The following SLC38A12 variants were observed in gnomAD, a reference collection of about 807,000 sequenced individuals.
SLC38A12 encodes the protein solute carrier family 38 member 12, also known as putative sodium-coupled neutral amino acid transporter 12.
At chr17:74,788,569 C>A in the SLC38A12 span, among the ~76,000 whole-genome samples, 1 of 152,120 alleles carries the variant, frequency 6.6e-6, no homozygotes, top group African/African-American at 2.4e-5. Context: ...TTAGTTCACA[C>A]CTCTCTCTCT....
At chr17:74,818,437 A>G in the SLC38A12 span, among the ~76,000 whole-genome samples, 78,241 of 151,870 alleles carry the variant, frequency 0.52, 20,983 homozygotes, top group African/African-American at 0.66. Context: ...AGTCCTCCGC[A>G]TCACTCATCC....
the SLC38A12 span, among the ~76,000 whole-genome samples, chr17:74,830,480 A>C: frequency 1.3e-5 from 2 of 152,148 alleles, no homozygotes; most frequent in African/African-American, 4.8e-5. Context: ...TGTCTGGGGA[A>C]AGGCTGCTTC....
chr17:74,790,165 C>T, the SLC38A12 span: 73 of 1,550,504 alleles, frequency 4.7e-5, no homozygotes, highest in Non-Finnish European at 6.3e-5. Context: ...CCCTTGTTTT[C>T]CTCCCTCCTC....
At chr17:74,785,626 C>G in the SLC38A12 span, 14 of 1,609,818 alleles carry the variant, frequency 8.7e-6, no homozygotes, top group African/African-American at 1.3e-5. Context: ...GGGGACTTCC[C>G]CACAGGGGCC....
chr17:74,781,167 C>T, the SLC38A12 span, among the ~76,000 whole-genome samples: 1 of 152,184 alleles, frequency 6.6e-6, no homozygotes, highest in Non-Finnish European at 1.5e-5. Flanking sequence ...TCCATAGTGC[C>T]CAAGCTGAGA....
At chr17:74,831,286 T>A in the SLC38A12 span, among the ~76,000 whole-genome samples, 1 of 152,140 alleles carries the variant, frequency 6.6e-6, no homozygotes, top group Admixed American at 6.5e-5. Flanking sequence ...GACTCTGGGC[T>A]CCAGAAGGAC....
the SLC38A12 span, among the ~76,000 whole-genome samples, chr17:74,832,395 C>A: frequency 6.6e-6 from 1 of 152,226 alleles, no homozygotes; most frequent in African/African-American, 2.4e-5. Context: ...ACTGGAGGGC[C>A]CTGCCCCCTC....
chr17:74,789,956 T>G, the SLC38A12 span, among the ~76,000 whole-genome samples: 1 of 147,662 alleles, frequency 6.8e-6, no homozygotes, highest in African/African-American at 2.6e-5. Flanking sequence ...TGTTTTTTTG[T>G]TTTTTTGTTT....
At chr17:74,825,344 A>G in the SLC38A12 span, among the ~76,000 whole-genome samples, 8 of 152,086 alleles carry the variant, frequency 5.3e-5, no homozygotes. Context: ...CCTTTTGTAT[A>G]TGTTTCATTT....
the SLC38A12 span, among the ~76,000 whole-genome samples, chr17:74,831,978 T>C: frequency 6.6e-6 from 1 of 152,230 alleles, no homozygotes; most frequent in East Asian, 1.9e-4. Flanking sequence ...AATGAGTTTT[T>C]GGAGCAGCTG....
chr17:74,777,355 G>T, the SLC38A12 span: 1 of 1,614,170 alleles, frequency 6.2e-7, no homozygotes, highest in Non-Finnish European at 8.5e-7. Flanking sequence ...TACAGAGACC[G>T]GGGAACTCTA....
At chr17:74,818,427 A>T in the SLC38A12 span, among the ~76,000 whole-genome samples, 84 of 152,064 alleles carry the variant, frequency 5.5e-4, no homozygotes, top group East Asian at 0.014. Flanking sequence ...GCGGCACTTC[A>T]GTCCTCCGCA....
chr17:74,801,430 G>A, the SLC38A12 span, among the ~76,000 whole-genome samples: 1 of 152,130 alleles, frequency 6.6e-6, no homozygotes, highest in Non-Finnish European at 1.5e-5. Flanking sequence ...GAGCCCCTGA[G>A]ATGCATGTCC....
At chr17:74,836,406 A>C in the SLC38A12 span, 1 of 1,610,436 alleles carries the variant, frequency 6.2e-7, no homozygotes, top group Non-Finnish European at 8.5e-7. This position sits in a 1 kb window ranked among gnomAD's most constrained non-coding sequence, Gnocchi z 4.2. Context: ...TCCCACCATC[A>C]CCCTGGTGCC....
chr17:74,785,344 T>C, the SLC38A12 span: 1 of 1,276,284 alleles, frequency 7.8e-7, no homozygotes, highest in Non-Finnish European at 1.1e-6. Context: ...GTAATTCTCC[T>C]GTCCTGCCTC....
chr17:74,835,369 C>T, the SLC38A12 span, among the ~76,000 whole-genome samples: 1 of 152,332 alleles, frequency 6.6e-6, no homozygotes, highest in East Asian at 1.9e-4. Flanking sequence ...GCTCCCAGCA[C>T]TCCTGCCTGT....
the SLC38A12 span, chr17:74,785,474 G>A: frequency 1.5e-4 from 233 of 1,606,710 alleles, no homozygotes; most frequent in Non-Finnish European, 1.9e-4. Flanking sequence ...TGCCTCTGTC[G>A]GTTCCAGGTT....
the SLC38A12 span, chr17:74,795,215 T>A: frequency 3.1e-6 from 3 of 958,620 alleles, no homozygotes; most frequent in Non-Finnish European, 5.0e-6. Flanking sequence ...GTGAGTTCAT[T>A]GCATCTAGGG....
the SLC38A12 span, among the ~76,000 whole-genome samples, chr17:74,825,529 C>T: frequency 6.6e-6 from 1 of 152,232 alleles, no homozygotes; most frequent in Non-Finnish European, 1.5e-5. Flanking sequence ...TAGCATCAGT[C>T]AGGACTGACC....
Sources: gnomAD v4.1 joint callset for allele counts (sites outside exome capture counted in the v4.1 genomes callset) on GRCh38, gnomAD v4.1.1 for gene constraint, Gnocchi (gnomAD v3.1) non-coding constraint, MANE v1.5 for transcripts, NCBI Gene and HGNC (gene_info 2026-07-23, HGNC 2026-07-21) for gene names.